SAXO1: variants seen among roughly 807,000 people sequenced by gnomAD.
SAXO1 encodes stabilizer of axonemal microtubules 1, also known as 4930500O09Rik.
Under a neutral mutation model 17.5 loss-of-function variants are expected in SAXO1, and 21 were observed. That is an observed-to-expected ratio of 1.20 (90% CI 0.85 to 1.72). The LOEUF (loss-of-function observed/expected upper bound fraction) is 1.72, where lower values mean the gene tolerates loss of function less well. SAXO1 is among the 40% of genes most tolerant of loss of function. The pLI, the probability that SAXO1 is intolerant of heterozygous loss-of-function variation, is 0.00. For missense variants in SAXO1, 843 were observed against 596.0 expected, an observed-to-expected ratio of 1.41 and a Z score of -4.32; for synonymous variants, 274 against 216.5, an observed-to-expected ratio of 1.27 and a Z score of -2.33.
At chr9:18,941,500 C>T in intron 3 of SAXO1, 137 bp downstream of exon 3, 1 of 890,668 alleles carries the variant, frequency 1.1e-6, no homozygotes, top group Non-Finnish European at 1.7e-6. Context: ...CAAAAACAGG[C>T]TGCTGGCCAG....
At chr9:18,975,646 T>G (rs1435288749) in intron 1 of SAXO1, among the ~76,000 whole-genome samples, 1 of 152,174 alleles carries the variant, frequency 6.6e-6, no homozygotes, top group Non-Finnish European at 1.5e-5. Context: ...TCTACAGCAG[T>G]CCTATGCATT....
At chr9:18,954,033 G>A (rs375301666) in intron 1 of SAXO1, among the ~76,000 whole-genome samples, 8 of 152,306 alleles carry the variant, frequency 5.3e-5, no homozygotes, top group East Asian at 3.9e-4. Context: ...TACTTGGGTC[G>A]TTCCAAGAGC....
intron 1 of SAXO1, among the ~76,000 whole-genome samples, chr9:18,969,829 G>A (rs758042969): frequency 1.4e-4 from 22 of 152,180 alleles, no homozygotes; most frequent in African/African-American, 3.9e-4. Flanking sequence ...TATGGCTGCC[G>A]CCACCACCAA....
At chr9:19,026,894 G>A in intron 1 of SAXO1, 1 of 725,832 alleles carries the variant, frequency 1.4e-6, no homozygotes, top group South Asian at 1.4e-5. Context: ...AAAAGAAGAT[G>A]GCAACCGTGT....
At chr9:19,030,097 T>C (rs1489859264) in intron 1 of SAXO1, among the ~76,000 whole-genome samples, 1 of 152,092 alleles carries the variant, frequency 6.6e-6, no homozygotes, top group Non-Finnish European at 1.5e-5. Flanking sequence ...AGGGCTGGGT[T>C]AACAGGGAAC....
chr9:19,034,497 A>C (rs1835884407), upstream of SAXO1, among the ~76,000 whole-genome samples: 1 of 152,342 alleles, frequency 6.6e-6, no homozygotes, highest in South Asian at 2.1e-4. Context: ...TTTTTCAAAA[A>C]ATTTGTGTAA....
chr9:19,032,094 A>G (rs536017664), intron 1 of SAXO1, among the ~76,000 whole-genome samples: 1 of 152,292 alleles, frequency 6.6e-6, no homozygotes, highest in African/African-American at 2.4e-5. Context: ...TTACCAATCT[A>G]AGATCCCACA....
chr9:19,027,787 T>C, intron 1 of SAXO1: 1 of 1,508,644 alleles, frequency 6.6e-7, no homozygotes, highest in Non-Finnish European at 9.1e-7. Context: ...ACCAGCTGGA[T>C]GGCTTCCAGC....
At chr9:18,992,964 GT>G (rs1420244688) in intron 1 of SAXO1, among the ~76,000 whole-genome samples, 1 of 151,874 alleles carries the variant, frequency 6.6e-6, no homozygotes, top group South Asian at 2.1e-4. Context: ...CCACACCCAG[GT>G]AATTTTATAT....
chr9:18,979,350 G>A (rs932945399), intron 1 of SAXO1, among the ~76,000 whole-genome samples: 1 of 152,144 alleles, frequency 6.6e-6, no homozygotes, highest in Admixed American at 6.5e-5. Context: ...TTCATGTGAG[G>A]GTAGAAAAAT....
intron 3 of SAXO1, among the ~76,000 whole-genome samples, chr9:18,936,747 T>G (rs939268636): frequency 2.0e-5 from 3 of 152,174 alleles, no homozygotes; most frequent in African/African-American, 7.2e-5. Context: ...CATTCAATAA[T>G]GTGCCTTTAA....
chr9:18,967,692 A>T (rs1237162562), intron 1 of SAXO1, among the ~76,000 whole-genome samples: 1 of 152,034 alleles, frequency 6.6e-6, no homozygotes, highest in Non-Finnish European at 1.5e-5. Context: ...CCATTGGGGG[A>T]GGATCCGCTG....
At chr9:19,032,588 G>A (rs1285516303) in intron 1 of SAXO1, among the ~76,000 whole-genome samples, 1 of 152,180 alleles carries the variant, frequency 6.6e-6, no homozygotes, top group East Asian at 1.9e-4. Flanking sequence ...CACTTTCTGG[G>A]CTTCAGGGAA....
At chr9:18,998,063 C>G (rs898677196) in intron 1 of SAXO1, among the ~76,000 whole-genome samples, 1 of 152,110 alleles carries the variant, frequency 6.6e-6, no homozygotes, top group African/African-American at 2.4e-5. Flanking sequence ...CCTTTCTCCT[C>G]CAAAGGAACA....
At chr9:18,981,459 C>T (rs1283648346) in intron 1 of SAXO1, among the ~76,000 whole-genome samples, 1 of 152,184 alleles carries the variant, frequency 6.6e-6, no homozygotes, top group Admixed American at 6.5e-5. Context: ...TCCAGAGGGG[C>T]TCCCTGAGCA....
At chr9:18,951,171 C>T (rs963025345) in intron 1 of SAXO1, among the ~76,000 whole-genome samples, 1 of 152,146 alleles carries the variant, frequency 6.6e-6, no homozygotes. Flanking sequence ...GAATTACACA[C>T]AAGCTGTCAC....
chr9:19,020,981 T>C (rs1361607968), intron 1 of SAXO1, among the ~76,000 whole-genome samples: 1 of 152,228 alleles, frequency 6.6e-6, no homozygotes. Flanking sequence ...CACAAGATTA[T>C]CTTGGCAAGA....
At chr9:18,986,321 C>T (rs1390736444) in intron 1 of SAXO1, among the ~76,000 whole-genome samples, 1 of 152,204 alleles carries the variant, frequency 6.6e-6, no homozygotes, top group African/African-American at 2.4e-5. Flanking sequence ...GTTTTAGCCC[C>T]TGGGCAGGAA....
chr9:18,987,677 T>C (rs1310092816), intron 1 of SAXO1, among the ~76,000 whole-genome samples: 3 of 151,970 alleles, frequency 2.0e-5, no homozygotes, highest in East Asian at 1.9e-4. Context: ...TGCAGGAGGA[T>C]TGCTTAAGCT....
Sources: allele counts gnomAD v4.1 joint callset (sites outside exome capture counted in the v4.1 genomes callset), GRCh38; gene constraint gnomAD v4.1.1; transcripts MANE v1.5; gene names NCBI Gene and HGNC (gene_info 2026-07-23, HGNC 2026-07-21).